Variants in TIAM1 observed in about 807,000 individuals in gnomAD.
TIAM1 encodes TIAM Rac1 associated GEF 1.
A neutral mutation model predicts 163.5 loss-of-function variants in TIAM1; 65 were observed. The ratio of observed to expected loss-of-function variants is 0.40; its 90% confidence interval spans 0.33 to 0.49. The LOEUF (loss-of-function observed/expected upper bound fraction) is 0.49, where lower values mean the gene tolerates loss of function less well. TIAM1 is among the 20% of genes least tolerant of loss of function. The pLI, the probability that TIAM1 is intolerant of heterozygous loss-of-function variation, is 0.77. For missense variants in TIAM1, 1,789 were observed against 2,044.7 expected (o/e 0.87, Z 2.41); for synonymous variants, 833 against 810.1 (o/e 1.03, Z -0.48).
At chr21:31,378,337 C>T (rs145865769) in intron 2 of TIAM1, among the ~76,000 whole-genome samples, 32 of 152,144 alleles carry the variant, frequency 2.1e-4, no homozygotes, top group African/African-American at 7.5e-4. Context: ...TAACACCAAC[C>T]TCCTTTAAAA....
intron 2 of TIAM1, among the ~76,000 whole-genome samples, chr21:31,423,643 C>T (rs1239625583): frequency 7.7e-6 from 1 of 129,814 alleles, no homozygotes; most frequent in African/African-American, 2.9e-5. Flanking sequence ...CTATAACGAA[C>T]TCATGGTGAT....
chr21:31,477,125 G>C, intron 1 of TIAM1, among the ~76,000 whole-genome samples: 1 of 152,140 alleles, frequency 6.6e-6, no homozygotes, highest in East Asian at 1.9e-4. Flanking sequence ...AGGTTGAACT[G>C]GGGGAAATTG....
intron 26 of TIAM1, 86 bp from the exon 27 acceptor site, chr21:31,124,780 T>C: frequency 1.7e-6 from 2 of 1,200,388 alleles, no homozygotes; most frequent in Non-Finnish European, 2.3e-6. Context: ...ACCAAATAAA[T>C]ATCCCTTAGG....
intron 3 of TIAM1, among the ~76,000 whole-genome samples, chr21:31,276,325 T>G (rs1301962288): frequency 6.6e-6 from 1 of 152,180 alleles, no homozygotes; most frequent in Non-Finnish European, 1.5e-5. Flanking sequence ...TTTGAAAAGA[T>G]TATTATTTTG....
intron 1 of TIAM1, among the ~76,000 whole-genome samples, chr21:31,504,402 A>G (rs1294095588): frequency 6.6e-6 from 1 of 152,232 alleles, no homozygotes; most frequent in East Asian, 1.9e-4. Flanking sequence ...CACTATGTCA[A>G]AAAGAAGGTA....
At chr21:31,426,626 A>G (rs1172943560) in intron 2 of TIAM1, among the ~76,000 whole-genome samples, 1 of 152,194 alleles carries the variant, frequency 6.6e-6, no homozygotes. Flanking sequence ...TTGGTAAGCC[A>G]CAATGTCAGG....
At chr21:31,254,452 G>C (rs2071982941) in intron 4 of TIAM1, among the ~76,000 whole-genome samples, 1 of 152,200 alleles carries the variant, frequency 6.6e-6, no homozygotes, top group Non-Finnish European at 1.5e-5. Flanking sequence ...CCTGCACTTT[G>C]GGAGGCTGAA....
intron 13 of TIAM1, among the ~76,000 whole-genome samples, chr21:31,193,500 A>C (rs544600463): frequency 6.6e-6 from 1 of 152,274 alleles, no homozygotes; most frequent in Non-Finnish European, 1.5e-5. Flanking sequence ...GTGCTGCAGG[A>C]GTTATCCTCA....
At chr21:31,407,874 G>A (rs549363872) in intron 2 of TIAM1, among the ~76,000 whole-genome samples, 14 of 152,180 alleles carry the variant, frequency 9.2e-5, no homozygotes, top group African/African-American at 1.4e-4. Context: ...CTGACCTCAG[G>A]TGATCGGCCA....
At chr21:31,456,110 TCAA>T (rs2147338117) in intron 2 of TIAM1, among the ~76,000 whole-genome samples, 1 of 152,302 alleles carries the variant, frequency 6.6e-6, no homozygotes, top group Non-Finnish European at 1.5e-5. Context: ...GTCACTACAC[TCAA>T]GTGGTTCCAG....
intron 1 of TIAM1, among the ~76,000 whole-genome samples, chr21:31,548,496 T>TG (rs1601065008): frequency 2.0e-5 from 3 of 149,574 alleles, no homozygotes; most frequent in East Asian, 4.0e-4. Flanking sequence ...TGTTGTTTTT[T>TG]TTTTTTTTTG....
At chr21:31,499,644 G>A (rs535790889) in intron 1 of TIAM1, among the ~76,000 whole-genome samples, 66 of 151,780 alleles carry the variant, frequency 4.3e-4, no homozygotes, top group South Asian at 2.5e-3. Context: ...AAGGTCAGGA[G>A]TTCAAAACCA....
At chr21:31,541,349 C>G (rs1167370888) in intron 1 of TIAM1, among the ~76,000 whole-genome samples, 2 of 151,870 alleles carry the variant, frequency 1.3e-5, no homozygotes, top group African/African-American at 4.8e-5. Context: ...CCCAGCTACC[C>G]GGAAGACTGA....
At position 31,426,875 on chromosome 21, in the gene TIAM1, A is replaced by C. The variant is rs554013673; in HGVS notation, c.-369+37108T>G. Among the ~76,000 whole-genome samples the C allele has an allele frequency of 6.4e-3, 972 of 152,234 alleles. 6 individuals carry two copies. Among genetic ancestry groups the C allele is most frequent in the Middle Eastern group, 0.024 (7 of 294 alleles). On this transcript the variant is annotated intron_variant, in intron 2 of 28. Transcript: ENST00000286827. ...GAGGGAAATTAGAATATTTAATAAC[A>C]TGCTATGTTTTTGAGGGGCTTGGGG... is the stretch of plus-strand genomic sequence containing the variant.
intron 2 of TIAM1, among the ~76,000 whole-genome samples, chr21:31,429,748 G>A (rs2043932006): frequency 6.6e-6 from 1 of 152,178 alleles, no homozygotes; most frequent in Non-Finnish European, 1.5e-5. Context: ...AGGGCGTGGA[G>A]TCTTCTGTGC....
chr21:31,547,519 T>C lies in TIAM1; in HGVS notation c.-422+11408A>G, dbSNP rs151022436. ...AGGAAAAAAACTACAGGGTGAGGATTTTCAATCTACTTTTAAGGAATTCGA... is the reference window on the plus strand; with the variant it reads ...AGGAAAAAAACTACAGGGTGAGGATCTTCAATCTACTTTTAAGGAATTCGA... On this transcript the variant is annotated intron_variant, in intron 1 of 28. Transcript: ENST00000286827. 7.2e-3 allele frequency among the ~76,000 whole-genome samples: 1,101 copies of C among 152,352 alleles called. 4 individuals are homozygous for C. The highest frequency in any genetic ancestry group is 0.027 in the Middle Eastern group (8 of 294).
intron 2 of TIAM1, among the ~76,000 whole-genome samples, chr21:31,399,321 C>T (rs564454005): frequency 9.9e-5 from 15 of 151,896 alleles, no homozygotes; most frequent in African/African-American, 2.7e-4. Context: ...TTAAATACTT[C>T]GTGCCATTTC....
In TIAM1 at chr21:31,141,001, C is replaced by T; in HGVS notation, c.3774+117G>A. The T allele has an allele frequency of 1.3e-6, 1 of 742,882 alleles. No individual in the cohort carries two copies. The highest frequency in any genetic ancestry group is 2.1e-6 in the Non-Finnish European group (1 of 468,358). The allele number at this position is 742,882 out of a possible 1,614,324, so 46.0% of individuals were successfully genotyped here. A position where few individuals can be genotyped will look rare whatever the true frequency, so the allele number is the denominator to read the frequency against. ...ACAGATGTTCCACTAAGAAAAACAA[C>T]AGCATCCTAACTATTTTACTTACAA... On this transcript the variant is annotated intron_variant, in intron 22 of 27. Coordinates refer to ENST00000541036, the MANE Select transcript of TIAM1 (RefSeq NM_001353694.2). The surrounding 1 kb of genome is among the most constrained non-coding windows in gnomAD (Gnocchi z 4.7).
intron 2 of TIAM1, among the ~76,000 whole-genome samples, chr21:31,323,477 C>T (rs1423364249): frequency 1.3e-5 from 2 of 151,758 alleles, no homozygotes; most frequent in South Asian, 2.1e-4. Context: ...GGGAGGCCAA[C>T]GTGGGCGAAT....
Sources: gnomAD v4.1 joint callset for allele counts (sites outside exome capture counted in the v4.1 genomes callset) on GRCh38, gnomAD v4.1.1 for gene constraint, Gnocchi (gnomAD v3.1) non-coding constraint, MANE v1.5 for transcripts, NCBI Gene and HGNC (gene_info 2026-07-23, HGNC 2026-07-21) for gene names.